The following SGCG variants were observed in gnomAD, a reference collection of about 807,000 sequenced individuals.
SGCG encodes gamma-sarcoglycan.
A neutral mutation model predicts 29.3 loss-of-function variants in SGCG; 26 were observed. The ratio of observed to expected loss-of-function variants is 0.89; its 90% CI spans 0.65 to 1.23. The LOEUF (loss-of-function observed/expected upper bound fraction) is 1.23, where lower values mean the gene tolerates loss of function less well. SGCG is among the 50% of genes most tolerant of loss of function. SGCG has a pLI of 0.00. For synonymous variants in SGCG, 145 were observed against 129.7 expected, an observed-to-expected ratio of 1.12 and a Z score of -0.80; for missense variants, 353 against 356.0, an observed-to-expected ratio of 0.99 and a Z score of 0.07.
At chr13:23,234,835 T>C (rs1879249109) in intron 3 of SGCG, 123 bp downstream of exon 3, 3 of 698,372 alleles carry the variant, frequency 4.3e-6, no homozygotes, top group Admixed American at 2.4e-5. Flanking sequence ...ATTCATGATA[T>C]GCTCTTTATA....
intron 2 of SGCG, among the ~76,000 whole-genome samples, chr13:23,212,570 A>G (rs114315658): frequency 0.027 from 4,100 of 152,342 alleles, 195 homozygotes; most frequent in African/African-American, 0.094. Flanking sequence ...AAATGAGTAT[A>G]GAAAGAGGCA....
intron 2 of SGCG, among the ~76,000 whole-genome samples, chr13:23,229,484 A>C (rs1460160327): frequency 6.6e-6 from 1 of 152,310 alleles, no homozygotes; most frequent in Non-Finnish European, 1.5e-5. Flanking sequence ...ACTTTTTAAT[A>C]ATACCCATTC....
intron 4 of SGCG, among the ~76,000 whole-genome samples, chr13:23,256,452 A>G (rs916911696): frequency 1.3e-5 from 2 of 152,192 alleles, no homozygotes; most frequent in African/African-American, 2.4e-5. Flanking sequence ...GTATGTATAC[A>G]TGTGCCATGT....
Position 23,299,120 on chromosome 13 carries a change from C to G in SGCG, c.578+3633C>G, listed in dbSNP as rs75303083. ...GGCAGAAACTCAGATCTAGATAGTT[C>G]CATGTTGTAAGTCACAAAACTAAAA... On this transcript the variant is annotated intron_variant, in intron 6 of 7. Coordinates refer to ENST00000218867, the MANE Select transcript of SGCG (RefSeq NM_000231.3). 1.4e-4 allele frequency among the ~76,000 whole-genome samples: 22 copies of G among 152,040 alleles called. 1 individual carries two copies. The East Asian group carries it at 4.1e-3, about 28-fold the overall frequency.
In SGCG at chr13:23,196,896, T is replaced by G. The variant is rs147622468; in HGVS notation, c.1-6799T>G. Among the ~76,000 whole-genome samples the G allele has an allele frequency of 9.5e-3, 1,454 of 152,252 alleles. 19 individuals carry two copies. Among genetic ancestry groups the G allele is most frequent in the Non-Finnish European group, 0.013 (861 of 68,026 alleles). On this transcript the variant is annotated intron_variant, in intron 1 of 7. Transcript: ENST00000218867. The stretch of plus-strand genomic sequence containing the variant: ...TGTTTCTTGGAAGTTTAAAGGAAAA[T>G]AGAAGTAAAACCCATGCAGTCATTC...
At chr13:23,323,027 T>C (rs1422429993) in intron 7 of SGCG, among the ~76,000 whole-genome samples, 1 of 152,092 alleles carries the variant, frequency 6.6e-6, no homozygotes, top group East Asian at 1.9e-4. Flanking sequence ...ATTACTGTGA[T>C]ATTAATAGGA....
intron 1 of SGCG, among the ~76,000 whole-genome samples, chr13:23,181,892 A>G (rs1876750491): frequency 6.6e-6 from 1 of 152,190 alleles, no homozygotes; most frequent in African/African-American, 2.4e-5. Flanking sequence ...TACGGAATAC[A>G]CCGTTTGTTT....
chr13:23,273,487 T>G (rs909492609), intron 4 of SGCG, among the ~76,000 whole-genome samples: 4 of 152,206 alleles, frequency 2.6e-5, no homozygotes, highest in Non-Finnish European at 5.9e-5. Context: ...GCCCAGCCAG[T>G]TGATATTTTT....
intron 2 of SGCG, among the ~76,000 whole-genome samples, chr13:23,228,426 T>G (rs1235112935): frequency 7.8e-6 from 1 of 128,590 alleles, no homozygotes; most frequent in Non-Finnish European, 1.7e-5. Flanking sequence ...CTTATGTCAA[T>G]TCCTACTTTT....
At chr13:23,223,143 T>A (rs146938819) in intron 2 of SGCG, among the ~76,000 whole-genome samples, 1 of 151,948 alleles carries the variant, frequency 6.6e-6, no homozygotes, top group Admixed American at 6.5e-5. Context: ...CGGGGTGTGG[T>A]GGCGGGCGCC....
chr13:23,172,811 A>G, the SGCG span, among the ~76,000 whole-genome samples: 2 of 152,226 alleles, frequency 1.3e-5, no homozygotes, highest in African/African-American at 2.4e-5. Context: ...GCCTATGCTG[A>G]AGGCCAGGAG....
intron 6 of SGCG, among the ~76,000 whole-genome samples, chr13:23,296,031 C>T (rs563994213): frequency 3.3e-5 from 5 of 152,228 alleles, no homozygotes; most frequent in Non-Finnish European, 5.9e-5. Flanking sequence ...AATGTCTGCT[C>T]ATCCCTCAAG....
At chr13:23,252,685 T>C (rs1422094441) in intron 4 of SGCG, among the ~76,000 whole-genome samples, 9 of 151,092 alleles carry the variant, frequency 6.0e-5, no homozygotes, top group South Asian at 2.1e-4. Flanking sequence ...AGTGAGACTG[T>C]GTCTCAAAAA....
intron 3 of SGCG, among the ~76,000 whole-genome samples, chr13:23,239,627 A>C (rs1879433142): frequency 6.6e-6 from 1 of 152,206 alleles, no homozygotes; most frequent in South Asian, 2.1e-4. Context: ...AAGCCAAAAG[A>C]ACAATGTATT....
At chr13:23,218,117 A>C (rs1383207055) in intron 2 of SGCG, among the ~76,000 whole-genome samples, 6 of 152,194 alleles carry the variant, frequency 3.9e-5, no homozygotes, top group African/African-American at 1.4e-4. Flanking sequence ...TTGAGAAAAA[A>C]ACTTGCAAGT....
chr13:23,314,131 A>G (rs1283191066), intron 6 of SGCG, among the ~76,000 whole-genome samples: 1 of 149,386 alleles, frequency 6.7e-6, no homozygotes, highest in East Asian at 2.0e-4. Context: ...ATATCTATAT[A>G]TCTATATCTG....
intron 5 of SGCG, among the ~76,000 whole-genome samples, chr13:23,281,917 G>C (rs540910233): frequency 5.3e-5 from 8 of 152,192 alleles, no homozygotes; most frequent in Non-Finnish European, 1.0e-4. Flanking sequence ...CCCTGCTCTA[G>C]AACATGCTTT....
the SGCG span, among the ~76,000 whole-genome samples, chr13:23,171,006 G>A: frequency 1.3e-5 from 2 of 152,182 alleles, no homozygotes; most frequent in Non-Finnish European, 2.9e-5. Flanking sequence ...GTATAAAAGT[G>A]CTATGCTATG....
chr13:23,223,276 C>CAAAA (rs10569811), intron 2 of SGCG, among the ~76,000 whole-genome samples: 5 of 103,822 alleles, frequency 4.8e-5, no homozygotes, highest in South Asian at 3.1e-4. Flanking sequence ...GACTCTGTCA[C>CAAAA]AAAAAAAAAA....
Sources: gnomAD v4.1 joint callset for allele counts (sites outside exome capture counted in the v4.1 genomes callset) on GRCh38, gnomAD v4.1.1 for gene constraint, MANE v1.5 for transcripts, NCBI Gene and HGNC (gene_info 2026-07-23, HGNC 2026-07-21) for gene names.